THRAP3: variants seen among roughly 807,000 people sequenced by gnomAD.
The protein encoded by THRAP3 is thyroid hormone receptor associated protein 3.
In THRAP3, 16 loss-of-function variants were observed where a neutral mutation model predicts 101.0. That is an observed-to-expected ratio of 0.16 (90% confidence interval 0.11 to 0.24). THRAP3 has a LOEUF of 0.24. Among genes scored for constraint, THRAP3 ranks in the 10% least tolerant of loss-of-function variants. THRAP3 has a pLI of 1.00. For missense variants in THRAP3, 989 were observed against 1,202.7 expected (o/e 0.82, Z 2.63); for synonymous variants, 407 against 422.6 (o/e 0.96, Z 0.45).
chr1:36,289,467 A>T lies in THRAP3; in HGVS notation c.1448A>T (p.Lys483Met). 6.2e-7 allele frequency: 1 copy of T among 1,614,216 alleles called. No individual in the cohort carries two copies. The highest frequency in any genetic ancestry group is 8.5e-7 in the Non-Finnish European group (1 of 1,180,034). The change falls in exon 5 of 12, where the codon AAG (lysine) becomes ATG (methionine). Residue 483 changes from lysine (K) to methionine (M), a missense_variant. Physicochemically the swap from Lys to Met is moderately conservative, Grantham distance 95 (BLOSUM62 -1). Coordinates refer to ENST00000354618, the MANE Select transcript of THRAP3 (RefSeq NM_005119.4). ...GTATATGCACCTCCAGGGAAGGAAA[A>T]GCAGAGAAAAACAGAGGAGCTGGAG... ...GLVYAPPGKE[K>M]QRKTEELEEE... is the part of the protein sequence containing the mutation.
At chr1:36,294,371 G>GT in intron 8 of THRAP3, 46 of 317,026 alleles carry the variant, frequency 1.5e-4, no homozygotes, top group South Asian at 3.8e-4. Context: ...AGCTGGTCCA[G>GT]TTTTTTTTCC....
At chr1:36,210,714 T>TG in the THRAP3 span, among the ~76,000 whole-genome samples, 29 of 102 alleles carry the variant, frequency 0.28, no homozygotes, top group African/African-American at 0.36. Context: ...TATATATATA[T>TG]ATATATATAT....
intron 1 of THRAP3, among the ~76,000 whole-genome samples, chr1:36,226,847 G>C (rs1371682493): frequency 1.3e-5 from 2 of 152,206 alleles, no homozygotes; most frequent in Non-Finnish European, 2.9e-5. Context: ...TGTGATGACA[G>C]ATGAGGTCTT....
At chr1:36,249,005 A>C (rs1645265355) in intron 1 of THRAP3, among the ~76,000 whole-genome samples, 1 of 149,386 alleles carries the variant, frequency 6.7e-6, no homozygotes, top group African/African-American at 2.5e-5. Flanking sequence ...GGTTCAAATG[A>C]TTCTCCTGAG....
chr1:36,289,271 T>A lies in THRAP3; in HGVS notation c.1252T>A (p.Phe418Ile). The A allele has an allele frequency of 6.2e-7, 1 of 1,614,086 alleles. No homozygotes were observed. Among genetic ancestry groups the A allele is most frequent in the Non-Finnish European group, 8.5e-7 (1 of 1,179,990 alleles). Residue 418 changes from phenylalanine to isoleucine, a missense_variant, in exon 5 of 12, where the codon TTT (phenylalanine) becomes ATT (isoleucine). By Grantham distance (21) the Phe-to-Ile change is conservative. Coordinates refer to ENST00000354618, the MANE Select transcript of THRAP3 (RefSeq NM_005119.4). ...SPKRYKLRDD[F>I]EKKMADFHKE... ...CAAAAGGTATAAGCTCCGAGATGAC[T>A]TTGAGAAGAAGATGGCTGACTTCCA...
chr1:36,286,442 G>A lies in THRAP3; in HGVS notation c.212G>A (p.Arg71Gln), dbSNP rs1456122455. The A allele has an allele frequency of 6.2e-7, 1 of 1,614,090 alleles. No individual in the cohort carries two copies. The highest frequency in any genetic ancestry group is 8.5e-7 in the Non-Finnish European group (1 of 1,180,014). Reference sequence around the variant, plus strand: ...AACCACCCAAGAGTATATCAGAATCGGGATTTCCGAGGTCACAACAGAGGC... The same window carrying A: ...AACCACCCAAGAGTATATCAGAATCAGGATTTCCGAGGTCACAACAGAGGC... ...ERNHPRVYQN[R>Q]DFRGHNRGYR... Residue 71 changes from arginine (R) to glutamine (Q), a missense_variant, in exon 4 of 12, where the codon CGG becomes CAG. Physicochemically the swap from Arg to Gln is conservative, Grantham distance 43. Coordinates refer to ENST00000354618, the MANE Select transcript of THRAP3 (RefSeq NM_005119.4). The surrounding 1 kb of genome is among the most constrained non-coding windows in gnomAD (Gnocchi z 5.5).
chr1:36,222,622 G>GATC (rs1644909135), upstream of THRAP3, among the ~76,000 whole-genome samples: 1 of 151,976 alleles, frequency 6.6e-6, no homozygotes, highest in Admixed American at 6.6e-5. Context: ...TGGCTGGGCT[G>GATC]ATCACGAACT....
At chr1:36,295,574 T>TCCC (rs1557456463) in intron 8 of THRAP3, among the ~76,000 whole-genome samples, 121 of 146,196 alleles carry the variant, frequency 8.3e-4, no homozygotes, top group Middle Eastern at 7.0e-3. Flanking sequence ...CCTTCCTTCC[T>TCCC]TCCCTCCTCC....
chr1:36,231,624 CA>C (rs35846409), intron 1 of THRAP3, among the ~76,000 whole-genome samples: 4,870 of 152,172 alleles, frequency 0.032, 252 homozygotes, highest in African/African-American at 0.11. Context: ...GTGAGGTTAA[CA>C]ACTCAATTTC....
In THRAP3 at chr1:36,238,007, C is replaced by A. The variant is rs1311442199; in HGVS notation, c.-135+13502C>A. Among the ~76,000 whole-genome samples the A allele has an allele frequency of 2.6e-5, 4 of 151,538 alleles. No individual in the cohort carries two copies. In the East Asian group the frequency reaches 5.8e-4, roughly 22 times the overall value. The stretch of plus-strand genomic sequence containing the variant: ...TGGTGATTTAGCAAAATTTTTTTTT[C>A]TTTTTTTTAATAGAGACGGGTTTCA... On this transcript the variant is annotated intron_variant, in intron 1 of 11. Transcript: ENST00000354618.
At chr1:36,276,875 A>G (rs577880736) in intron 2 of THRAP3, among the ~76,000 whole-genome samples, 1 of 152,186 alleles carries the variant, frequency 6.6e-6, no homozygotes, top group Admixed American at 6.5e-5. Context: ...TAAATAAAGA[A>G]AAAAAGTGAA....
rs866941713 is a variant in THRAP3, at chr1:36,282,597, C to T, written c.34C>T (p.Arg12Cys). 3.7e-6 allele frequency: 6 copies of T among 1,614,060 alleles called. No homozygotes were observed. Among genetic ancestry groups the T allele is most frequent in the Middle Eastern group, 3.3e-4 (2 of 6,058 alleles). The change falls in exon 3 of 12, where the codon CGC becomes TGC. Residue 12 changes from arginine to cysteine, a missense_variant. Transcript: ENST00000354618. ...SKTNKSKSGS[R>C]SSRSRSASRS... ...AACAAACAAATCCAAGTCTGGATCT[C>T]GCTCTTCTCGCTCAAGATCTGCATC...
intron 2 of THRAP3, among the ~76,000 whole-genome samples, chr1:36,280,788 A>G (rs937026428): frequency 3.0e-4 from 45 of 152,084 alleles, no homozygotes; most frequent in Admixed American, 1.0e-3. Flanking sequence ...AAAGGAGAGA[A>G]GTATACCTTG....
At chr1:36,215,302 G>A in the THRAP3 span, among the ~76,000 whole-genome samples, 2 of 152,270 alleles carry the variant, frequency 1.3e-5, no homozygotes, top group South Asian at 4.1e-4. Flanking sequence ...AATCTGGACT[G>A]TCAGACCCAG....
At chr1:36,292,341 A>G (rs1645886467) in intron 6 of THRAP3, among the ~76,000 whole-genome samples, 2 of 126,750 alleles carry the variant, frequency 1.6e-5, no homozygotes, top group South Asian at 2.6e-4. Context: ...GCGGGATCTC[A>G]GCTCACTGCA....
chr1:36,281,124 C>G (rs1354914357), intron 2 of THRAP3, among the ~76,000 whole-genome samples: 1 of 152,058 alleles, frequency 6.6e-6, no homozygotes, highest in Non-Finnish European at 1.5e-5. Context: ...CCACGCTGGT[C>G]TTGAACTCCT....
At chr1:36,293,604 A>C (rs1033322557) in intron 7 of THRAP3, among the ~76,000 whole-genome samples, 3 of 147,776 alleles carry the variant, frequency 2.0e-5, no homozygotes, top group African/African-American at 7.5e-5. Flanking sequence ...AGAGAACAAA[A>C]ACCTCTAACT....
In THRAP3 at chr1:36,288,972, G is replaced by T. The variant is rs1645830250; in HGVS notation, c.1041-88G>T. The stretch of plus-strand genomic sequence containing the variant: ...ATCCATAAGACATGTTTTTTTCAGA[G>T]AATCAAAAACCAAAAACGGTAAGGC... On this transcript the variant is annotated intron_variant, in intron 4 of 11. Transcript: ENST00000354618. 8 of 1,391,980 alleles carry T rather than the reference G, an allele frequency of 5.7e-6. No individual in the cohort carries two copies. The Admixed American group carries it at 9.8e-5, about 17-fold the overall frequency. The allele number at this position is 1,391,980 out of a possible 1,614,324, so 86.2% of individuals were successfully genotyped here.
At chr1:36,236,952 A>G (rs1021418918) in intron 1 of THRAP3, among the ~76,000 whole-genome samples, 1 of 152,108 alleles carries the variant, frequency 6.6e-6, no homozygotes, top group Non-Finnish European at 1.5e-5. Flanking sequence ...CGAGGCGGGC[A>G]AATCACCTGA....
Sources: gnomAD v4.1 joint callset for allele counts (sites outside exome capture counted in the v4.1 genomes callset) on GRCh38, gnomAD v4.1.1 for gene constraint, Gnocchi (gnomAD v3.1) non-coding constraint, MANE v1.5 for transcripts, NCBI Gene and HGNC (gene_info 2026-07-23, HGNC 2026-07-21) for gene names.